Variants in KCND2 observed in about 807,000 individuals in gnomAD.
The protein encoded by KCND2 is potassium voltage-gated channel subfamily D member 2.
Under a neutral mutation model 54.4 loss-of-function variants are expected in KCND2, and 16 were observed. The ratio of observed to expected loss-of-function variants is 0.29; its 90% CI spans 0.20 to 0.45. KCND2 has a LOEUF of 0.45. Among genes scored for constraint, KCND2 ranks in the 20% least tolerant of loss-of-function variants. KCND2 has a pLI of 1.00. For synonymous variants in KCND2, 317 were observed against 310.7 expected (o/e 1.02, Z -0.21); for missense variants, 486 against 824.2 (o/e 0.59, Z 5.02).
chr7:120,402,465 G>A (rs866498714), intron 1 of KCND2, among the ~76,000 whole-genome samples: 1 of 152,078 alleles, frequency 6.6e-6, no homozygotes, highest in Non-Finnish European at 1.5e-5. Context: ...GTTGAAGCAG[G>A]CGATAGTGGA....
intron 1 of KCND2, among the ~76,000 whole-genome samples, chr7:120,416,110 T>C (rs1285891876): frequency 6.6e-6 from 1 of 152,228 alleles, no homozygotes; most frequent in Non-Finnish European, 1.5e-5. Flanking sequence ...GTATCAATAA[T>C]GTTCTCTGTA....
chr7:120,680,079 A>G (rs946885655), intron 1 of KCND2, among the ~76,000 whole-genome samples: 1 of 152,144 alleles, frequency 6.6e-6, no homozygotes, highest in African/African-American at 2.4e-5. Flanking sequence ...GTTGTCACCT[A>G]CAAGACAATC....
chr7:120,501,441 A>G (rs1802931655), intron 1 of KCND2, among the ~76,000 whole-genome samples: 1 of 152,128 alleles, frequency 6.6e-6, no homozygotes, highest in Admixed American at 6.6e-5. Flanking sequence ...TTATTATCAT[A>G]TTTCTTCCAT....
chr7:120,690,595 T>C (rs1186062196), intron 1 of KCND2, among the ~76,000 whole-genome samples: 1 of 152,178 alleles, frequency 6.6e-6, no homozygotes, highest in South Asian at 2.1e-4. Context: ...GGCAGGACAC[T>C]GGAACAGATG....
intron 1 of KCND2, among the ~76,000 whole-genome samples, chr7:120,443,734 CTCTTCTT>C (rs1301154530): frequency 6.6e-6 from 1 of 151,742 alleles, no homozygotes; most frequent in Non-Finnish European, 1.5e-5. Flanking sequence ...GCTCACTTCT[CTCTTCTT>C]TCTTTAGTAA....
chr7:120,343,842 A>C (rs555629209), intron 1 of KCND2, among the ~76,000 whole-genome samples: 1 of 152,320 alleles, frequency 6.6e-6, no homozygotes, highest in South Asian at 2.1e-4. Context: ...TATGGAAAGC[A>C]CTATATAATC....
At chr7:120,430,169 G>C (rs926679102) in intron 1 of KCND2, among the ~76,000 whole-genome samples, 1 of 152,136 alleles carries the variant, frequency 6.6e-6, no homozygotes, top group African/African-American at 2.4e-5. Context: ...CAAGGTGCTA[G>C]CATGCTTGGT....
rs115425871 is a variant in KCND2 at position 120,517,250 on chromosome 7, A to G, written c.1116-215653A>G. On this transcript the variant is annotated intron_variant, in intron 1 of 5. Transcript: ENST00000331113. ...GTGTTGAGGGACAATCATAGTTAAA[A>G]CTGATGAGAGTCAGACTTTGTTAAT... Among the ~76,000 whole-genome samples, 688 of 152,148 alleles carry G rather than the reference A, an allele frequency of 4.5e-3. 6 individuals are homozygous for G. The highest frequency in any genetic ancestry group is 0.016 in the African/African-American group (658 of 41,558).
chr7:120,584,468 T>A (rs956406063), intron 1 of KCND2, among the ~76,000 whole-genome samples: 6 of 152,236 alleles, frequency 3.9e-5, no homozygotes, highest in Non-Finnish European at 8.8e-5. Context: ...TTCACGCAGC[T>A]AAAATGGATT....
intron 1 of KCND2, among the ~76,000 whole-genome samples, chr7:120,504,981 T>C (rs1802993024): frequency 6.6e-6 from 1 of 151,636 alleles, no homozygotes; most frequent in South Asian, 2.1e-4. Flanking sequence ...ATAAAGCACT[T>C]TTGCTTTTAA....
intron 1 of KCND2, among the ~76,000 whole-genome samples, chr7:120,451,598 C>T (rs768814092): frequency 7.2e-5 from 11 of 152,256 alleles, no homozygotes; most frequent in East Asian, 1.9e-4. Flanking sequence ...GTAATGACTA[C>T]GGTTTTCGCA....
At chr7:120,335,438 T>TAA (rs1800133942) in intron 1 of KCND2, among the ~76,000 whole-genome samples, 2 of 132,860 alleles carry the variant, frequency 1.5e-5, no homozygotes, top group Non-Finnish European at 3.1e-5. Context: ...TGGCTTGCTT[T>TAA]ATTTATTTAT....
At chr7:120,516,360 A>G (rs1234651290) in intron 1 of KCND2, among the ~76,000 whole-genome samples, 1 of 152,152 alleles carries the variant, frequency 6.6e-6, no homozygotes, top group African/African-American at 2.4e-5. Context: ...CCATATAATT[A>G]CATGTATCCG....
intron 1 of KCND2, among the ~76,000 whole-genome samples, chr7:120,401,049 G>A (rs1032472550): frequency 1.3e-5 from 2 of 152,092 alleles, no homozygotes; most frequent in African/African-American, 4.8e-5. Flanking sequence ...TGTGAGGTCA[G>A]CATGAGTAGA....
At chr7:120,517,120 T>G (rs1343888227) in intron 1 of KCND2, among the ~76,000 whole-genome samples, 1 of 152,144 alleles carries the variant, frequency 6.6e-6, no homozygotes, top group Admixed American at 6.6e-5. Flanking sequence ...ATGCAATTAC[T>G]TTTATTAAAG....
intron 1 of KCND2, among the ~76,000 whole-genome samples, chr7:120,709,545 T>C (rs374246744): frequency 6.6e-6 from 1 of 152,298 alleles, no homozygotes; most frequent in Non-Finnish European, 1.5e-5. Flanking sequence ...AAAAAGAGGC[T>C]GAGGGTTGTT....
intron 1 of KCND2, among the ~76,000 whole-genome samples, chr7:120,389,453 CG>C (rs1050448543): frequency 7.9e-5 from 12 of 151,682 alleles, no homozygotes; most frequent in African/African-American, 2.9e-4. Context: ...TCATACCATA[CG>C]TTAGATTTTT....
chr7:120,483,014 C>T (rs1802629681), intron 1 of KCND2, among the ~76,000 whole-genome samples: 1 of 152,108 alleles, frequency 6.6e-6, no homozygotes, highest in Non-Finnish European at 1.5e-5. Context: ...GGTGAGGGGA[C>T]TTGAGAAACT....
chr7:120,520,362 G>A (rs536598432), intron 1 of KCND2, among the ~76,000 whole-genome samples: 1 of 151,972 alleles, frequency 6.6e-6, no homozygotes, highest in Non-Finnish European at 1.5e-5. Flanking sequence ...TTGATATGTC[G>A]ATATTCATTG....
Sources: gnomAD v4.1 joint callset for allele counts (sites outside exome capture counted in the v4.1 genomes callset) on GRCh38, gnomAD v4.1.1 for gene constraint, MANE v1.5 for transcripts, NCBI Gene and HGNC (gene_info 2026-07-23, HGNC 2026-07-21) for gene names.